The following SRPRA variants were observed in gnomAD, a reference collection of about 807,000 sequenced individuals.
SRPRA encodes the protein signal recognition particle receptor subunit alpha.
Under a neutral mutation model 61.1 loss-of-function variants are expected in SRPRA, and 30 were observed. The ratio of observed to expected loss-of-function variants is 0.49; its 90% CI spans 0.37 to 0.67. The LOEUF (loss-of-function observed/expected upper bound fraction) is 0.67, where lower values mean the gene tolerates loss of function less well. SRPRA is among the 30% of genes least tolerant of loss of function. The probability of loss-of-function intolerance (pLI) is 0.00; values close to 1 mark genes in which losing one functional copy is unlikely to be tolerated. For missense variants in SRPRA, 759 were observed against 828.4 expected (o/e 0.92, Z 1.03); for synonymous variants, 324 against 299.7 (o/e 1.08, Z -0.84).
Position 126,263,785 on chromosome 11 carries a change from G to T in SRPRA, c.*131C>A. The T allele has an allele frequency of 1.5e-6, 2 of 1,318,342 alleles. No individual in the cohort carries two copies. Among genetic ancestry groups the T allele is most frequent in the Non-Finnish European group, 2.1e-6 (2 of 963,106 alleles). The allele number at this position is 1,318,342 out of a possible 1,614,324, so 81.7% of individuals were successfully genotyped here. ...TGAACGGGGAGTGGGGTTGGAAGGA[G>T]CCACAAGCCCCCTCACTCTGCCTTT... On this transcript the variant is annotated 3_prime_UTR_variant, in exon 14 of 14. Coordinates refer to ENST00000332118, the MANE Select transcript of SRPRA (RefSeq NM_003139.4).
At chr11:126,250,039 A>G in the SRPRA span, among the ~76,000 whole-genome samples, 16,394 of 151,776 alleles carry the variant, frequency 0.11, 1,157 homozygotes, top group Non-Finnish European at 0.15. The surrounding 1 kb of genome is among the most constrained non-coding windows in gnomAD (Gnocchi z 5.1). Flanking sequence ...GGCATGTATC[A>G]TCTCATCTTC....
At chr11:126,262,186 G>T, downstream of SRPRA, 2 of 1,593,962 alleles carry the variant, frequency 1.3e-6, no homozygotes, top group Non-Finnish European at 1.7e-6. Context: ...CCCTACTACA[G>T]ACAGTGTTTA....
At chr11:126,266,125 A>T (rs1950804366) in intron 7 of SRPRA, 44 bp from the exon 8 acceptor site, 1 of 1,612,624 alleles carries the variant, frequency 6.2e-7, no homozygotes, top group Non-Finnish European at 8.5e-7. Flanking sequence ...ACCAGTAGGC[A>T]GGAGTTGTAT....
In SRPRA at chr11:126,266,201, G is replaced by A; in HGVS notation, c.918C>T (p.Asn306=). 6.2e-7 allele frequency: 1 copy of A among 1,614,124 alleles called. No homozygotes were observed. The highest frequency in any genetic ancestry group is 1.3e-5 in the African/African-American group (1 of 75,032). The change falls in exon 7 of 14, where the codon AAC becomes AAT. Residue 306 remains asparagine (N), a synonymous_variant. Transcript: ENST00000332118. ...AATTCCCCTACCTAGGTTTGGTAGAGTTTTGAGCAGCCCCTTCGTCATCAG... is the reference window on the plus strand; with the variant it reads ...AATTCCCCTACCTAGGTTTGGTAGAATTTTGAGCAGCCCCTTCGTCATCAG... ...SSSDDEGAAQ[N]STKPSATKGT...
chr11:126,247,690 C>G, the SRPRA span, among the ~76,000 whole-genome samples: 1 of 151,862 alleles, frequency 6.6e-6, no homozygotes. Flanking sequence ...AAACCCATCT[C>G]TACTAAAAAC....
downstream of SRPRA, chr11:126,261,196 A>C: frequency 2.0e-6 from 1 of 505,124 alleles, no homozygotes; most frequent in South Asian, 3.1e-5. Context: ...GTCTACAAGC[A>C]ATCGTAGTGC....
chr11:126,265,466 C>T lies in SRPRA; in HGVS notation c.1139-26G>A. 1 of 1,599,598 alleles carries T rather than the reference C, an allele frequency of 6.3e-7. No individual in the cohort carries two copies. Among genetic ancestry groups the T allele is most frequent in the Non-Finnish European group, 8.5e-7 (1 of 1,172,620 alleles). The stretch of plus-strand genomic sequence containing the variant: ...CTGAAAGGGGAGGTGGAGGAGGTTG[C>T]AGCTGTGAAACTCAAGGAATGCTCT... On this transcript the variant is annotated intron_variant, in intron 9 of 13. Transcript: ENST00000332118. The surrounding 1 kb of genome is among the most constrained non-coding windows in gnomAD (Gnocchi z 6.3).
Position 126,264,401 on chromosome 11 carries a change from A to G in SRPRA, c.1664T>C (p.Val555Ala), listed in dbSNP as rs1419080842. ...CAGCTGGTCCACGGCTTCATTGCCT[A>G]CTAAGGCTTCTCCTACAAACAGCAC... Reference protein sequence around the residue: ...DLVLFVGEALVGNEAVDQLVK... With the variant: ...DLVLFVGEALAGNEAVDQLVK... The change falls in exon 12 of 14, where the codon GTA (valine) becomes GCA (alanine). Residue 555 changes from valine to alanine, a missense_variant. Val to Ala is a moderately conservative substitution (Grantham distance 64, BLOSUM62 0). This residue lies in a region of SRPRA where 284 missense variants were observed against 365.9 expected (regional missense o/e 0.78). Coordinates refer to ENST00000332118, the MANE Select transcript of SRPRA (RefSeq NM_003139.4). This position sits in a 1 kb window ranked among gnomAD's most constrained non-coding sequence, Gnocchi z 5.0. 13 of 1,614,204 alleles carry G rather than the reference A, an allele frequency of 8.1e-6. No homozygotes were observed. Among genetic ancestry groups the G allele is most frequent in the Non-Finnish European group, 1.1e-5 (13 of 1,180,028 alleles).
At chr11:126,254,536 A>G in the SRPRA span, 2 of 1,482,078 alleles carry the variant, frequency 1.3e-6, no homozygotes, top group Non-Finnish European at 1.8e-6. Context: ...CATTAAGTGA[A>G]AACGGAAGGT....
the SRPRA span, among the ~76,000 whole-genome samples, chr11:126,238,318 C>T: frequency 1.9e-4 from 29 of 151,974 alleles, no homozygotes; most frequent in African/African-American, 4.3e-4. Context: ...GCCAAGATTA[C>T]GAGATTCCAT....
At chr11:126,261,159 T>TGTAAAAC, downstream of SRPRA, 1 of 440,324 alleles carries the variant, frequency 2.3e-6, no homozygotes, top group East Asian at 3.5e-5. Context: ...GTATGTGAAA[T>TGTAAAAC]GTAAAATGTA....
the SRPRA span, among the ~76,000 whole-genome samples, chr11:126,248,839 G>A: frequency 6.6e-6 from 1 of 152,188 alleles, no homozygotes; most frequent in African/African-American, 2.4e-5. Flanking sequence ...AACGTTAGGG[G>A]ACCAGTCCAA....
chr11:126,261,153 G>GTAAAA (rs1463258459), downstream of SRPRA: 52 of 406,744 alleles, frequency 1.3e-4, 1 homozygote, highest in Non-Finnish European at 1.7e-4. Flanking sequence ...TTGCCTGTAT[G>GTAAAA]TGAAATGTAA....
Position 126,264,021 on chromosome 11 carries a change from C to T in SRPRA, c.1812G>A (p.Thr604=), listed in dbSNP as rs189799996. 9.3e-5 allele frequency: 150 copies of T among 1,614,134 alleles called. No homozygotes were observed. Among genetic ancestry groups the T allele is most frequent in the African/African-American group, 7.5e-4 (56 of 75,028 alleles). ...AGACGATGGGTTTGCTTGTGATGTACGTCATAGAAATAGCAGCTCCCACCT... is the reference window on the plus strand; with the variant it reads ...AGACGATGGGTTTGCTTGTGATGTATGTCATAGAAATAGCAGCTCCCACCT... ...DDKVGAAISM[T]YITSKPIVFV... Residue 604 remains threonine (T), a synonymous_variant, in exon 14 of 14, where the codon ACG becomes ACA. Coordinates refer to ENST00000332118, the MANE Select transcript of SRPRA (RefSeq NM_003139.4). The surrounding 1 kb of genome is among the most constrained non-coding windows in gnomAD (Gnocchi z 5.0).
the SRPRA span, among the ~76,000 whole-genome samples, chr11:126,242,360 C>G: frequency 6.1e-4 from 92 of 152,036 alleles, no homozygotes; most frequent in African/African-American, 2.1e-3. Context: ...GAGGCCAAGG[C>G]AGGAGAACTG....
the SRPRA span, among the ~76,000 whole-genome samples, chr11:126,246,572 C>A: frequency 6.6e-6 from 1 of 151,972 alleles, no homozygotes; most frequent in Non-Finnish European, 1.5e-5. Context: ...TGTTAATAAC[C>A]CTGGGGCGGG....
At chr11:126,250,867 G>T in the SRPRA span, 1 of 638,972 alleles carries the variant, frequency 1.6e-6, no homozygotes. This position sits in a 1 kb window ranked among gnomAD's most constrained non-coding sequence, Gnocchi z 5.1. Flanking sequence ...TGGAGTTTTT[G>T]TTTTTCTTTT....
chr11:126,238,628 C>G, the SRPRA span, among the ~76,000 whole-genome samples: 1 of 152,150 alleles, frequency 6.6e-6, no homozygotes, highest in African/African-American at 2.4e-5. Context: ...GCAGTGTTCT[C>G]AGATATAGTC....
At position 126,265,074 on chromosome 11, in the gene SRPRA, C is replaced by T. The variant is rs1249817203; in HGVS notation, c.1410G>A (p.Arg470=). Residue 470 remains arginine, a synonymous_variant, in exon 11 of 14, where the codon CGG becomes CGA. Coordinates refer to ENST00000332118, the MANE Select transcript of SRPRA (RefSeq NM_003139.4). This position sits in a 1 kb window ranked among gnomAD's most constrained non-coding sequence, Gnocchi z 6.3. ...CTGGAGGGTGTAGGGCACTCAAACG[C>T]CGGGTGTGTGTACGCAGCTGCTCCA... ...GAVEQLRTHT[R]RLSALHPPEK... The T allele has an allele frequency of 1.2e-6, 2 of 1,614,034 alleles. No homozygotes were observed. The highest frequency in any genetic ancestry group is 2.2e-5 in the East Asian group (1 of 44,890).
Sources: allele counts gnomAD v4.1 joint callset (sites outside exome capture counted in the v4.1 genomes callset), GRCh38; gene constraint gnomAD v4.1.1; regional missense constraint gnomAD v4.1.1; non-coding constraint Gnocchi (gnomAD v3.1); transcripts MANE v1.5; gene names NCBI Gene and HGNC (gene_info 2026-07-23, HGNC 2026-07-21).